HCN1: variants seen among roughly 807,000 people sequenced by gnomAD.
HCN1 encodes the protein hyperpolarization activated cyclic nucleotide gated potassium channel 1.
A neutral mutation model predicts 78.9 loss-of-function variants in HCN1; 13 were observed. The ratio of observed to expected loss-of-function variants is 0.16; its 90% CI spans 0.11 to 0.26. The LOEUF is 0.26. Ranked by LOEUF, HCN1 falls within the 10% of genes least tolerant of loss-of-function variation. HCN1 has a pLI of 1.00. For missense variants in HCN1, 810 were observed against 1,154.3 expected, an observed-to-expected ratio of 0.70 and a Z score of 4.32; for synonymous variants, 552 against 455.5, an observed-to-expected ratio of 1.21 and a Z score of -2.70.
intron 6 of HCN1, among the ~76,000 whole-genome samples, chr5:45,289,467 T>C (rs1342241035): frequency 1.3e-5 from 2 of 152,088 alleles, no homozygotes; most frequent in Admixed American, 6.6e-5. Flanking sequence ...TGGAGCATTA[T>C]AATAATCCCT....
At chr5:45,461,574 T>C (rs899616254) in intron 3 of HCN1, among the ~76,000 whole-genome samples, 3 of 152,134 alleles carry the variant, frequency 2.0e-5, no homozygotes, top group African/African-American at 4.8e-5. Context: ...TATGATTGTA[T>C]CTTTGAAATA....
At chr5:45,318,322 A>C (rs994762302) in intron 5 of HCN1, among the ~76,000 whole-genome samples, 3 of 151,946 alleles carry the variant, frequency 2.0e-5, no homozygotes, top group East Asian at 3.9e-4. Flanking sequence ...GGACAAAAAA[A>C]CAAACACCAC....
In HCN1 at chr5:45,609,157, ATT is replaced by A. The variant is rs200091474; in HGVS notation, c.849+36026_849+36027del. Among the ~76,000 whole-genome samples the A allele has an allele frequency of 4.9e-3, 749 of 152,208 alleles. 2 individuals are homozygous for A. Among genetic ancestry groups the A allele is most frequent in the African/African-American group, 0.017 (712 of 41,564 alleles). On this transcript the variant is annotated intron_variant, in intron 2 of 7. Coordinates refer to ENST00000303230, the MANE Select transcript of HCN1 (RefSeq NM_021072.4). ...TACTGTATCGATTTCTTGGAAAGCA[ATT>A]TGGCATCATTTTGTAAAGCTGAAAC... is the stretch of plus-strand genomic sequence containing the variant.
chr5:45,346,620 G>C (rs974620629), intron 5 of HCN1, among the ~76,000 whole-genome samples: 3 of 152,154 alleles, frequency 2.0e-5, no homozygotes, highest in African/African-American at 7.2e-5. Context: ...TCAAAGAAAG[G>C]GGTGACAGAT....
At chr5:45,680,785 A>T (rs184213900) in intron 1 of HCN1, among the ~76,000 whole-genome samples, 3 of 152,202 alleles carry the variant, frequency 2.0e-5, no homozygotes, top group Admixed American at 6.6e-5. Flanking sequence ...GGGTTGGTAA[A>T]ATTATGCTTT....
At chr5:45,499,531 G>A (rs1742145005) in intron 2 of HCN1, among the ~76,000 whole-genome samples, 1 of 152,176 alleles carries the variant, frequency 6.6e-6, no homozygotes, top group Admixed American at 6.5e-5. Context: ...AGATGGAAAT[G>A]CAGAAATCAC....
chr5:45,479,487 G>T (rs1445371168), intron 2 of HCN1, among the ~76,000 whole-genome samples: 1 of 152,286 alleles, frequency 6.6e-6, no homozygotes, highest in East Asian at 1.9e-4. Flanking sequence ...CCAAATTGTT[G>T]TTGGAATAGT....
At chr5:45,380,770 C>T (rs533167126) in intron 4 of HCN1, among the ~76,000 whole-genome samples, 5 of 152,044 alleles carry the variant, frequency 3.3e-5, no homozygotes, top group African/African-American at 1.2e-4. Flanking sequence ...ATTTTTGTGG[C>T]AAAGAACTAT....
At chr5:45,675,058 G>T (rs1277481711) in intron 1 of HCN1, among the ~76,000 whole-genome samples, 1 of 151,708 alleles carries the variant, frequency 6.6e-6, no homozygotes, top group Admixed American at 6.6e-5. Flanking sequence ...TGGCAATATG[G>T]TTTCCCAGAA....
intron 3 of HCN1, among the ~76,000 whole-genome samples, chr5:45,434,116 A>C (rs140273067): frequency 1.3e-5 from 2 of 152,336 alleles, no homozygotes; most frequent in East Asian, 3.9e-4. Flanking sequence ...ATTGCTTTTC[A>C]CTTCTCCTCT....
intron 2 of HCN1, among the ~76,000 whole-genome samples, chr5:45,528,059 T>C (rs1742775125): frequency 6.6e-6 from 1 of 151,986 alleles, no homozygotes; most frequent in Non-Finnish European, 1.5e-5. Context: ...GGAGGGTTAC[T>C]CTGGTGTCTT....
rs115400518 is a variant in HCN1 at position 45,268,464 on chromosome 5, A to G, written c.1619-1211T>C. 7.1e-3 allele frequency among the ~76,000 whole-genome samples: 1,086 copies of G among 152,354 alleles called. 9 individuals are homozygous for G. The highest frequency in any genetic ancestry group is 0.012 in the Non-Finnish European group (822 of 68,022). ...TCACCTAACAAAAGGAAATAAATAT[A>G]ATATTAAATGTCTAAATTCACACTC... On this transcript the variant is annotated intron_variant, in intron 6 of 7. Coordinates refer to ENST00000303230, the MANE Select transcript of HCN1 (RefSeq NM_021072.4).
chr5:45,599,825 GT>G (rs970857224), intron 2 of HCN1, among the ~76,000 whole-genome samples: 22 of 147,990 alleles, frequency 1.5e-4, no homozygotes, highest in South Asian at 6.5e-4. Flanking sequence ...AGCATTTTCT[GT>G]TTTTTTTTTC....
intron 5 of HCN1, among the ~76,000 whole-genome samples, chr5:45,343,030 G>T (rs1746618123): frequency 6.6e-6 from 1 of 152,128 alleles, no homozygotes; most frequent in Non-Finnish European, 1.5e-5. Context: ...AAGATAAATA[G>T]AAATAAATAG....
rs191024546 is a variant in HCN1 at position 45,468,978 on chromosome 5, C to G, written c.850-6971G>C. On this transcript the variant is annotated intron_variant, in intron 2 of 7. Coordinates refer to ENST00000303230, the MANE Select transcript of HCN1 (RefSeq NM_021072.4). Reference sequence around the variant, plus strand: ...GTTTCTATTAATTTTATTCATTTTTCTTCAAATTTCAAGTCAATACCAGCT... The same window carrying G: ...GTTTCTATTAATTTTATTCATTTTTGTTCAAATTTCAAGTCAATACCAGCT... Among the ~76,000 whole-genome samples, 188 of 151,912 alleles carry G rather than the reference C, an allele frequency of 1.2e-3. 1 individual carries two copies. Among genetic ancestry groups the G allele is most frequent in the Admixed American group, 9.5e-3 (145 of 15,204 alleles).
chr5:45,694,613 C>A (rs569607411), intron 1 of HCN1, among the ~76,000 whole-genome samples: 1 of 152,264 alleles, frequency 6.6e-6, no homozygotes, highest in East Asian at 1.9e-4. Flanking sequence ...TCTTTTCGAA[C>A]GAGTTCGGCC....
rs183137243 is a variant in HCN1 at position 45,327,845 on chromosome 5, G to C, written c.1378-24006C>G. 6.6e-4 allele frequency among the ~76,000 whole-genome samples: 100 copies of C among 151,670 alleles called. 1 individual carries two copies. In the East Asian group the frequency reaches 0.012, roughly 18 times the overall value. ...GGAAGCCCTCTGCAAATCAAGGAGAGAAGCCTCAGAAGAAACTAGACCTGC... is the reference window on the plus strand; with the variant it reads ...GGAAGCCCTCTGCAAATCAAGGAGACAAGCCTCAGAAGAAACTAGACCTGC... On this transcript the variant is annotated intron_variant, in intron 5 of 7. Transcript: ENST00000303230.
intron 2 of HCN1, among the ~76,000 whole-genome samples, chr5:45,608,810 G>A (rs2111975294): frequency 6.6e-6 from 1 of 151,736 alleles, no homozygotes; most frequent in East Asian, 1.9e-4. Flanking sequence ...TATATCAAAA[G>A]ACAAAATTAA....
At position 45,373,913 on chromosome 5, in the gene HCN1, C is replaced by T. The variant is rs191220619; in HGVS notation, c.1231-20667G>A. ...TATGTCATCTATAATATATTACATA[C>T]GGTATATACATCATATATATTACAT... On this transcript the variant is annotated intron_variant, in intron 4 of 7. Coordinates refer to ENST00000303230, the MANE Select transcript of HCN1 (RefSeq NM_021072.4). 1.2e-3 allele frequency among the ~76,000 whole-genome samples: 150 copies of T among 125,700 alleles called. 1 individual carries two copies. The East Asian group carries it at 0.023, about 19-fold the overall frequency. The allele number at this position is 125,700 out of a possible 152,430, so 82.5% of individuals were successfully genotyped here. A position where few individuals can be genotyped will look rare whatever the true frequency, so the allele number is the denominator to read the frequency against.
Sources: gnomAD v4.1 joint callset for allele counts (sites outside exome capture counted in the v4.1 genomes callset) on GRCh38, gnomAD v4.1.1 for gene constraint, MANE v1.5 for transcripts, NCBI Gene and HGNC (gene_info 2026-07-23, HGNC 2026-07-21) for gene names.